IGFL2: variants seen among roughly 807,000 people sequenced by gnomAD.
IGFL2 encodes IGF like family member 2.
IGFL2 carries 7 observed loss-of-function variants against 13.9 expected under a neutral mutation model. That is an observed-to-expected ratio of 0.51 (90% confidence interval 0.29 to 0.95). The LOEUF is 0.95. Among genes scored for constraint, IGFL2 ranks in the 40% least tolerant of loss-of-function variants. IGFL2 has a pLI of 0.08. For synonymous variants in IGFL2, 55 were observed against 55.8 expected, an observed-to-expected ratio of 0.99 and a Z score of 0.07; for missense variants, 138 against 147.8, an observed-to-expected ratio of 0.93 and a Z score of 0.34.
chr19:46,173,311 C>G, the IGFL2 span, among the ~76,000 whole-genome samples: 4 of 152,150 alleles, frequency 2.6e-5, no homozygotes, highest in African/African-American at 9.7e-5. Flanking sequence ...GTGGAAAATT[C>G]AGGAATAACA....
upstream of IGFL2, among the ~76,000 whole-genome samples, chr19:46,138,212 T>A (rs1431650845): frequency 6.6e-6 from 1 of 152,160 alleles, no homozygotes; most frequent in East Asian, 1.9e-4. Context: ...TTACATTCTT[T>A]GATGCCCTTG....
chr19:46,114,705 G>A, the IGFL2 span, among the ~76,000 whole-genome samples: 452 of 152,236 alleles, frequency 3.0e-3, 2 homozygotes, highest in African/African-American at 0.01. Context: ...TGTAAGATAC[G>A]CCTTGGTTCC....
At chr19:46,194,862 T>A in the IGFL2 span, among the ~76,000 whole-genome samples, 11,519 of 81,214 alleles carry the variant, frequency 0.14, 646 homozygotes, top group Non-Finnish European at 0.23. Flanking sequence ...ATTTTTTTTT[T>A]TTTTTTTTTT....
the IGFL2 span, among the ~76,000 whole-genome samples, chr19:46,191,700 C>T: frequency 6.6e-6 from 1 of 152,076 alleles, no homozygotes; most frequent in African/African-American, 2.4e-5. Flanking sequence ...ACTCAGGGGC[C>T]TTGTGAAATT....
chr19:46,179,842 G>C, the IGFL2 span, among the ~76,000 whole-genome samples: 1 of 152,080 alleles, frequency 6.6e-6, no homozygotes, highest in South Asian at 2.1e-4. Flanking sequence ...CTTGATCCCG[G>C]GAGGTGGAGG....
chr19:46,159,623 C>T (rs1974028747), intron 1 of IGFL2: 1 of 152,216 alleles, frequency 6.6e-6, no homozygotes, highest in South Asian at 2.1e-4. Context: ...ATGCTTTCAA[C>T]CATGGAATAT....
intron 1 of IGFL2, among the ~76,000 whole-genome samples, chr19:46,149,196 C>A (rs1426779381): frequency 6.7e-6 from 1 of 149,954 alleles, no homozygotes; most frequent in Non-Finnish European, 1.5e-5. Context: ...CTTTCTCTCT[C>A]CCTCTCTTTC....
chr19:46,105,243 A>G, the IGFL2 span, among the ~76,000 whole-genome samples: 1 of 152,214 alleles, frequency 6.6e-6, no homozygotes, highest in African/African-American at 2.4e-5. Flanking sequence ...TGGAAGGCAT[A>G]TTTAGAGTCT....
the IGFL2 span, among the ~76,000 whole-genome samples, chr19:46,123,714 T>C: frequency 6.6e-6 from 1 of 150,866 alleles, no homozygotes; most frequent in Non-Finnish European, 1.5e-5. Flanking sequence ...TCCTCGACCA[T>C]GAAGAAAGGC....
upstream of IGFL2, among the ~76,000 whole-genome samples, chr19:46,147,609 A>G (rs192109765): frequency 1.1e-4 from 16 of 152,306 alleles, no homozygotes; most frequent in African/African-American, 3.8e-4. Context: ...GTCTGGGAAG[A>G]TCGTGACCCC....
the IGFL2 span, chr19:46,197,189 G>A: frequency 4.5e-6 from 1 of 220,606 alleles, no homozygotes. Context: ...GAGAAGTGCT[G>A]CCCCTGGTCC....
chr19:46,157,458 A>C (rs541927635), intron 1 of IGFL2, among the ~76,000 whole-genome samples: 144 of 152,346 alleles, frequency 9.5e-4, no homozygotes, highest in African/African-American at 3.4e-3. Context: ...TCCAGAATGT[A>C]AGCCTGGCAG....
At chr19:46,202,854 G>T in the IGFL2 span, 2 of 152,282 alleles carry the variant, frequency 1.3e-5, no homozygotes, top group Admixed American at 6.5e-5. Flanking sequence ...TTTAAAATTG[G>T]TGAGAAGTTC....
chr19:46,148,977 C>T, intron 1 of IGFL2: 1 of 1,595,522 alleles, frequency 6.3e-7, no homozygotes, highest in Non-Finnish European at 8.5e-7. Context: ...CTCTCAGCGC[C>T]AGGAAATCAT....
At chr19:46,200,958 G>A in the IGFL2 span, 3 of 152,128 alleles carry the variant, frequency 2.0e-5, no homozygotes, top group African/African-American at 4.8e-5. Flanking sequence ...ACCCATTTTT[G>A]TGTCTGTTTC....
chr19:46,145,502 C>A (rs1170366673), upstream of IGFL2, among the ~76,000 whole-genome samples: 1 of 151,966 alleles, frequency 6.6e-6, no homozygotes, highest in East Asian at 1.9e-4. Flanking sequence ...GCCCTCCTTC[C>A]AGTAACTCTT....
chr19:46,145,598 A>ATG (rs765380139), upstream of IGFL2, among the ~76,000 whole-genome samples: 4,475 of 138,266 alleles, frequency 0.032, 67 homozygotes, highest in Admixed American at 0.046. Context: ...ACACTCATAT[A>ATG]TATGTGTGTG....
upstream of IGFL2, among the ~76,000 whole-genome samples, chr19:46,138,801 TG>T (rs960123784): frequency 6.6e-6 from 1 of 151,940 alleles, no homozygotes; most frequent in African/African-American, 2.4e-5. Context: ...CGTATCAGAC[TG>T]GCCCCATCTC....
the IGFL2 span, among the ~76,000 whole-genome samples, chr19:46,119,589 T>G: frequency 6.9e-6 from 1 of 145,536 alleles, no homozygotes; most frequent in Non-Finnish European, 1.5e-5. Context: ...CCAGTTAAAC[T>G]TTACTACAAC....
Sources: gnomAD v4.1 joint callset for allele counts (sites outside exome capture counted in the v4.1 genomes callset) on GRCh38, gnomAD v4.1.1 for gene constraint, MANE v1.5 for transcripts, NCBI Gene and HGNC (gene_info 2026-07-23, HGNC 2026-07-21) for gene names.